WDR70: variants seen among roughly 807,000 people sequenced by gnomAD.
WDR70 encodes the protein WD repeat-containing protein 70.
A neutral mutation model predicts 88.6 loss-of-function variants in WDR70; 53 were observed. The observed-to-expected ratio is 0.60, with a 90% CI of 0.48 to 0.75. WDR70 has a LOEUF of 0.75. WDR70 is among the 30% of genes least tolerant of loss of function. WDR70 has a pLI of 0.00. For missense variants in WDR70, 610 were observed against 823.2 expected, an observed-to-expected ratio of 0.74 and a Z score of 3.17; for synonymous variants, 280 against 270.0, an observed-to-expected ratio of 1.04 and a Z score of -0.36.
chr5:37,398,175 G>A (rs1017817387), intron 5 of WDR70, among the ~76,000 whole-genome samples: 4 of 141,836 alleles, frequency 2.8e-5, no homozygotes, highest in African/African-American at 1.1e-4. Flanking sequence ...TGCAAGCTTC[G>A]CCTCCCGGGT....
chr5:37,504,887 A>G (rs1381140138), intron 8 of WDR70, among the ~76,000 whole-genome samples: 1 of 152,180 alleles, frequency 6.6e-6, no homozygotes, highest in Non-Finnish European at 1.5e-5. Flanking sequence ...GGTAGATATA[A>G]GGACACCAGG....
In WDR70 at chr5:37,677,422, C is replaced by G. The variant is rs2112607795; in HGVS notation, c.1093-20233C>G. On this transcript the variant is annotated intron_variant, in intron 10 of 17. Transcript: ENST00000265107. ...CTGCTTTGAATGTGTCCCAGAGATT[C>G]CGGTATGTTGTCTCTTTGTTCTCAT... Among the ~76,000 whole-genome samples, 4 of 152,260 alleles carry G rather than the reference C, an allele frequency of 2.6e-5. No individual in the cohort carries two copies. In the South Asian group the frequency reaches 8.3e-4, roughly 32 times the overall value.
intron 9 of WDR70, among the ~76,000 whole-genome samples, chr5:37,553,185 A>T (rs1400636228): frequency 6.6e-6 from 1 of 152,196 alleles, no homozygotes; most frequent in Non-Finnish European, 1.5e-5. Context: ...CCCTTTCTTT[A>T]TGAGTGTTGT....
intron 10 of WDR70, among the ~76,000 whole-genome samples, chr5:37,622,798 G>A (rs1337334001): frequency 2.6e-5 from 4 of 152,182 alleles, no homozygotes; most frequent in African/African-American, 4.8e-5. Flanking sequence ...GTTAAATGAC[G>A]AGTTACTGGG....
chr5:37,528,831 ATTTATC>A (rs1561889535), intron 9 of WDR70, among the ~76,000 whole-genome samples: 1 of 139,896 alleles, frequency 7.1e-6, no homozygotes, highest in Non-Finnish European at 1.6e-5. Context: ...AGTCCCATTT[ATTTATC>A]TTTGTGTTCG....
intron 8 of WDR70, among the ~76,000 whole-genome samples, chr5:37,484,038 G>A (rs1440662519): frequency 6.6e-6 from 1 of 151,896 alleles, no homozygotes; most frequent in African/African-American, 2.4e-5. Flanking sequence ...AGACGGGATG[G>A]CGGCCGGGAA....
chr5:37,579,320 T>C (rs1215902680), intron 9 of WDR70, among the ~76,000 whole-genome samples: 1 of 152,172 alleles, frequency 6.6e-6, no homozygotes, highest in Non-Finnish European at 1.5e-5. Flanking sequence ...GTGCGGTGGC[T>C]CACGCCTGTA....
chr5:37,671,666 C>T (rs761070797), intron 10 of WDR70, among the ~76,000 whole-genome samples: 2 of 152,102 alleles, frequency 1.3e-5, no homozygotes, highest in Admixed American at 6.5e-5. Context: ...GGCATTTTGA[C>T]CATTTTGAAG....
At chr5:37,659,957 A>G (rs982686268) in intron 10 of WDR70, among the ~76,000 whole-genome samples, 1 of 152,142 alleles carries the variant, frequency 6.6e-6, no homozygotes, top group Non-Finnish European at 1.5e-5. Context: ...AAAGTTTGAT[A>G]TTTTATGTTT....
intron 7 of WDR70, among the ~76,000 whole-genome samples, chr5:37,452,463 A>T (rs563280621): frequency 6.6e-6 from 1 of 152,190 alleles, no homozygotes; most frequent in East Asian, 1.9e-4. Context: ...ACGTGGTTTC[A>T]CCATGTTGGC....
chr5:37,538,231 C>G (rs10057432), intron 9 of WDR70, among the ~76,000 whole-genome samples: 5,276 of 152,220 alleles, frequency 0.035, 312 homozygotes, highest in African/African-American at 0.12. Context: ...TCTATCTCTC[C>G]TCTCCTGCCT....
At chr5:37,385,815 A>T (rs1303213097) in intron 3 of WDR70, among the ~76,000 whole-genome samples, 35 of 121,276 alleles carry the variant, frequency 2.9e-4, no homozygotes, top group African/African-American at 2.2e-3. Flanking sequence ...ATATATATAT[A>T]TTTTTTGAGA....
chr5:37,728,465 T>G (rs542128829), intron 17 of WDR70, among the ~76,000 whole-genome samples: 29 of 152,252 alleles, frequency 1.9e-4, no homozygotes, highest in African/African-American at 6.7e-4. Flanking sequence ...GTACTTAGTC[T>G]CCTCCCATCA....
intron 5 of WDR70, among the ~76,000 whole-genome samples, chr5:37,424,148 C>CAAAAAAAAA (rs11304949): frequency 7.2e-5 from 4 of 55,492 alleles, no homozygotes; most frequent in Non-Finnish European, 8.8e-5. Context: ...GACTCCATCT[C>CAAAAAAAAA]AAAAAAAAAA....
chr5:37,616,819 A>G (rs1370666666), intron 10 of WDR70, among the ~76,000 whole-genome samples: 1 of 152,222 alleles, frequency 6.6e-6, no homozygotes, highest in Non-Finnish European at 1.5e-5. Context: ...AATGAATGCT[A>G]TCAGAGCATT....
At chr5:37,544,184 C>T (rs1741917171) in intron 9 of WDR70, among the ~76,000 whole-genome samples, 3 of 152,264 alleles carry the variant, frequency 2.0e-5, no homozygotes, top group South Asian at 2.1e-4. Flanking sequence ...TTGGATTATA[C>T]ATAACAGGAT....
intron 9 of WDR70, among the ~76,000 whole-genome samples, chr5:37,554,564 G>A (rs1742241147): frequency 6.6e-6 from 1 of 151,990 alleles, no homozygotes; most frequent in African/African-American, 2.4e-5. Flanking sequence ...GCCTTAAAGT[G>A]GTCAAAGCAA....
chr5:37,648,705 TTTG>T (rs1381695008), intron 10 of WDR70, among the ~76,000 whole-genome samples: 1 of 152,024 alleles, frequency 6.6e-6, no homozygotes, highest in African/African-American at 2.4e-5. Context: ...TTCTTTGTAG[TTTG>T]TTGTTCATAG....
intron 10 of WDR70, among the ~76,000 whole-genome samples, chr5:37,637,364 TAAATAAATAAATA>T (rs1449442660): frequency 4.9e-5 from 7 of 143,978 alleles, no homozygotes; most frequent in African/African-American, 1.8e-4. Context: ...AATAAATAAA[TAAATAAATAAATA>T]AAAGATTTAT....
Sources: gnomAD v4.1 joint callset for allele counts (sites outside exome capture counted in the v4.1 genomes callset) on GRCh38, gnomAD v4.1.1 for gene constraint, MANE v1.5 for transcripts, NCBI Gene and HGNC (gene_info 2026-07-23, HGNC 2026-07-21) for gene names.